The following NCAM1 variants were observed in gnomAD, a reference collection of about 807,000 sequenced individuals.
The protein encoded by NCAM1 is neural cell adhesion molecule 1.
A neutral mutation model predicts 109.8 loss-of-function variants in NCAM1; 14 were observed. That is an observed-to-expected ratio of 0.13 (90% CI 0.08 to 0.20). NCAM1 has a LOEUF of 0.20. Among genes scored for constraint, NCAM1 ranks in the 10% least tolerant of loss-of-function variants. NCAM1 has a pLI of 1.00. For synonymous variants in NCAM1, 418 were observed against 442.9 expected (o/e 0.94, Z 0.70); for missense variants, 774 against 1,109.9 (o/e 0.70, Z 4.30).
At chr11:113,101,224 G>A (rs1370498191) in intron 1 of NCAM1, among the ~76,000 whole-genome samples, 3 of 151,918 alleles carry the variant, frequency 2.0e-5, no homozygotes, top group African/African-American at 7.3e-5. Flanking sequence ...GTATTCTTTG[G>A]TGACCACCTA....
chr11:113,207,009 A>T (rs1944257661), intron 5 of NCAM1, among the ~76,000 whole-genome samples: 2 of 152,268 alleles, frequency 1.3e-5, no homozygotes, highest in Non-Finnish European at 2.9e-5. Flanking sequence ...CCATCTTAAC[A>T]TGCATAAAAT....
rs143655820 is a variant in NCAM1, at chr11:113,103,000, T to TATTA, written c.53-99379_53-99378insATTA. On this transcript the variant is annotated intron_variant, in intron 1 of 19. Transcript: ENST00000316851. ...ATTTGGTTACAGACATGTTTCTGCG[T>TATTA]GTTTGTGATTAGGTAGAAGGTGCAG... Among the ~76,000 whole-genome samples the TATTA allele has an allele frequency of 8.7e-3, 357 of 41,078 alleles. No individual in the cohort carries two copies. The African/African-American group carries it at 0.092, about 11-fold the overall frequency. The allele number at this position is 41,078 out of a possible 152,430, so 26.9% of individuals were successfully genotyped here.
intron 1 of NCAM1, among the ~76,000 whole-genome samples, chr11:113,162,022 A>C (rs2136359306): frequency 6.6e-6 from 1 of 152,314 alleles, no homozygotes; most frequent in Middle Eastern, 3.4e-3. Flanking sequence ...TTCAGAATTC[A>C]AGGGTGTTAT....
rs1219424492 is a variant in NCAM1, at chr11:113,082,728, T to C, written c.53-119651T>C. Among the ~76,000 whole-genome samples the C allele has an allele frequency of 2.0e-5, 3 of 152,222 alleles. No individual in the cohort carries two copies. The East Asian group carries it at 5.8e-4, about 29-fold the overall frequency. On this transcript the variant is annotated intron_variant, in intron 1 of 19. Transcript: ENST00000316851. ...CTGAACGCAGGACAATGCCGGATCA[T>C]GTCGGTCCCTCAGACCTGGCTCGGC...
At chr11:113,222,622 A>G (rs1198894299) in intron 9 of NCAM1, among the ~76,000 whole-genome samples, 4 of 152,178 alleles carry the variant, frequency 2.6e-5, no homozygotes, top group Non-Finnish European at 5.9e-5. Flanking sequence ...GAAGAGAGAG[A>G]AGGGTTAATT....
chr11:113,070,782 T>C (rs1311844883), intron 1 of NCAM1, among the ~76,000 whole-genome samples: 3 of 152,142 alleles, frequency 2.0e-5, no homozygotes, highest in African/African-American at 7.2e-5. Flanking sequence ...ATAAGGTCAT[T>C]TGCTGATAGA....
chr11:113,263,725 G>A (rs1946070382), intron 17 of NCAM1: 22 of 985,542 alleles, frequency 2.2e-5, no homozygotes, highest in Non-Finnish European at 2.4e-5. Context: ...ACAGAGTGGG[G>A]CCGTGGTTCA....
intron 1 of NCAM1, among the ~76,000 whole-genome samples, chr11:113,079,820 G>A (rs781936815): frequency 6.6e-5 from 10 of 152,120 alleles, no homozygotes; most frequent in Non-Finnish European, 1.3e-4. Flanking sequence ...TCCTGTACTG[G>A]GCAGACATGG....
intron 14 of NCAM1, among the ~76,000 whole-genome samples, chr11:113,242,116 A>G (rs1945345331): frequency 6.6e-6 from 1 of 152,212 alleles, no homozygotes; most frequent in South Asian, 2.1e-4. Flanking sequence ...CTTACCTCTA[A>G]GGTGAAGGAT....
At chr11:113,004,333 A>G (rs1951836273) in intron 1 of NCAM1, among the ~76,000 whole-genome samples, 1 of 152,046 alleles carries the variant, frequency 6.6e-6, no homozygotes, top group South Asian at 2.1e-4. Context: ...TTTCTACTAA[A>G]AATACAAAAA....
chr11:113,090,579 G>GA (rs1301923921), intron 1 of NCAM1, among the ~76,000 whole-genome samples: 1 of 152,106 alleles, frequency 6.6e-6, no homozygotes, highest in African/African-American at 2.4e-5. Context: ...CACATCAGCT[G>GA]AAAAAACATT....
chr11:113,263,940 T>G, intron 17 of NCAM1: 2 of 985,462 alleles, frequency 2.0e-6, no homozygotes, highest in Non-Finnish European at 1.2e-6. Context: ...TGCCCCAGCC[T>G]CTGTATTGGT....
intron 1 of NCAM1, among the ~76,000 whole-genome samples, chr11:113,000,823 T>TATATATATATATATATATATATACAC (rs1951729693): frequency 6.5e-5 from 1 of 15,286 alleles, no homozygotes. Context: ...TATACATATA[T>TATATATATATATATATATATATACAC]ATATATATAT....
chr11:113,268,794 G>A (rs1304817700), intron 17 of NCAM1, among the ~76,000 whole-genome samples: 1 of 152,182 alleles, frequency 6.6e-6, no homozygotes, highest in Non-Finnish European at 1.5e-5. Context: ...TACATGGCTC[G>A]CAAGCTGCTG....
intron 12 of NCAM1, 131 bp downstream of exon 12, chr11:113,232,945 G>A: frequency 9.9e-7 from 1 of 1,006,734 alleles, no homozygotes; most frequent in Non-Finnish European, 1.5e-6. Flanking sequence ...AAGCCAGAGA[G>A]TTGGGAAGCT....
intron 1 of NCAM1, among the ~76,000 whole-genome samples, chr11:112,981,770 TAAC>T (rs1210101780): frequency 1.3e-5 from 2 of 152,028 alleles, no homozygotes; most frequent in African/African-American, 4.8e-5. Context: ...TCATCTCATT[TAAC>T]TTCTTTAAAA....
chr11:113,271,907 T>C, intron 19 of NCAM1, 31 bp downstream of exon 19: 1 of 1,513,120 alleles, frequency 6.6e-7, no homozygotes, highest in Non-Finnish European at 9.0e-7. Context: ...TGGCACCTGC[T>C]CCGTAGAGAC....
chr11:112,982,147 A>G (rs782176457), intron 1 of NCAM1, among the ~76,000 whole-genome samples: 2 of 151,946 alleles, frequency 1.3e-5, no homozygotes, highest in Admixed American at 6.6e-5. Context: ...CATATCCTCT[A>G]TAGTGCCTAG....
At chr11:113,007,254 G>C (rs923239051) in intron 1 of NCAM1, among the ~76,000 whole-genome samples, 1 of 152,144 alleles carries the variant, frequency 6.6e-6, no homozygotes, top group Non-Finnish European at 1.5e-5. Flanking sequence ...TGCAGTGGGT[G>C]TGTGCTCATG....
Sources: gnomAD v4.1 joint callset for allele counts (sites outside exome capture counted in the v4.1 genomes callset) on GRCh38, gnomAD v4.1.1 for gene constraint, MANE v1.5 for transcripts, NCBI Gene and HGNC (gene_info 2026-07-23, HGNC 2026-07-21) for gene names.